GALNT17: variants seen among roughly 807,000 people sequenced by gnomAD.
GALNT17 encodes the protein polypeptide N-acetylgalactosaminyltransferase 17.
A neutral mutation model predicts 63.7 loss-of-function variants in GALNT17; 29 were observed. That is an observed-to-expected ratio of 0.46 (90% CI 0.34 to 0.62). The LOEUF (loss-of-function observed/expected upper bound fraction) is 0.62, where lower values mean the gene tolerates loss of function less well. Among genes scored for constraint, GALNT17 ranks in the 20% least tolerant of loss-of-function variants. GALNT17 has a pLI of 0.01. For missense variants in GALNT17, 603 were observed against 799.6 expected (o/e 0.75, Z 2.97); for synonymous variants, 305 against 318.3 (o/e 0.96, Z 0.45).
At chr7:71,321,740 T>C (rs13227502) in intron 1 of GALNT17, among the ~76,000 whole-genome samples, 151,400 of 151,758 alleles carry the variant, frequency 1, 75,524 homozygotes, top group Middle Eastern at 1. Context: ...CTATATTGGC[T>C]AGGCTGGTCT....
intron 9 of GALNT17, among the ~76,000 whole-genome samples, chr7:71,698,280 G>A (rs1394664734): frequency 6.6e-6 from 1 of 152,154 alleles, no homozygotes; most frequent in Non-Finnish European, 1.5e-5. Flanking sequence ...TCTAAAGAAT[G>A]TACTGTAGGA....
At chr7:71,706,264 C>T (rs1333923518) in intron 9 of GALNT17, among the ~76,000 whole-genome samples, 1 of 152,166 alleles carries the variant, frequency 6.6e-6, no homozygotes, top group African/African-American at 2.4e-5. Flanking sequence ...TCACCTGCCC[C>T]AGCCTACCCT....
At chr7:71,307,606 C>T (rs1274315765) in intron 1 of GALNT17, 1 of 152,166 alleles carries the variant, frequency 6.6e-6, no homozygotes, top group Non-Finnish European at 1.5e-5. Context: ...ATAGCCCCAC[C>T]TCTAGGAAGT....
At chr7:71,665,390 A>G in intron 6 of GALNT17, 21 bp from the exon 7 acceptor site, 2 of 1,582,752 alleles carry the variant, frequency 1.3e-6, no homozygotes, top group Non-Finnish European at 1.7e-6. Context: ...TTTCAGGCTG[A>G]TGAAATCTTT....
chr7:71,498,100 G>A (rs7791581), intron 5 of GALNT17, among the ~76,000 whole-genome samples: 8,020 of 152,266 alleles, frequency 0.053, 486 homozygotes, highest in African/African-American at 0.14. Flanking sequence ...CCTGAAGGCG[G>A]GAAGATGGGT....
chr7:71,159,949 T>C (rs1277942620), intron 1 of GALNT17, among the ~76,000 whole-genome samples: 5 of 151,968 alleles, frequency 3.3e-5, no homozygotes. Context: ...TCAGATCTAA[T>C]TTTTAAAATA....
At chr7:71,517,716 G>A (rs770765481) in intron 5 of GALNT17, among the ~76,000 whole-genome samples, 7 of 152,190 alleles carry the variant, frequency 4.6e-5, no homozygotes, top group Non-Finnish European at 8.8e-5. Context: ...GCCAGGGGCT[G>A]TTCTAGGTTT....
At chr7:71,401,080 CTTTTCT>C (rs1189549488) in intron 3 of GALNT17, among the ~76,000 whole-genome samples, 3 of 149,426 alleles carry the variant, frequency 2.0e-5, no homozygotes, top group East Asian at 3.9e-4. Context: ...CCTCAATACT[CTTTTCT>C]TTTTCTTTTT....
intron 1 of GALNT17, among the ~76,000 whole-genome samples, chr7:71,203,760 A>G (rs1214598930): frequency 6.6e-6 from 1 of 152,166 alleles, no homozygotes; most frequent in Non-Finnish European, 1.5e-5. Flanking sequence ...GTCACATGGC[A>G]GAAGGAGGAG....
At chr7:71,174,917 G>A (rs1253224013) in intron 1 of GALNT17, among the ~76,000 whole-genome samples, 1 of 152,176 alleles carries the variant, frequency 6.6e-6, no homozygotes, top group Non-Finnish European at 1.5e-5. Context: ...TCTTTGGGGA[G>A]CGATGGAAGG....
intron 5 of GALNT17, among the ~76,000 whole-genome samples, chr7:71,438,463 G>T (rs1239831497): frequency 6.6e-6 from 1 of 152,106 alleles, no homozygotes; most frequent in Non-Finnish European, 1.5e-5. Flanking sequence ...CAACACCTTG[G>T]CAGACACACC....
chr7:71,469,813 A>T (rs749294292), intron 5 of GALNT17, among the ~76,000 whole-genome samples: 7 of 152,244 alleles, frequency 4.6e-5, no homozygotes, highest in Non-Finnish European at 1.0e-4. Context: ...TTGAAGACTG[A>T]CATCAGGGAC....
intron 1 of GALNT17, among the ~76,000 whole-genome samples, chr7:71,253,917 A>C (rs1790245278): frequency 6.6e-6 from 1 of 152,088 alleles, no homozygotes; most frequent in Non-Finnish European, 1.5e-5. Context: ...CAAATTCTGT[A>C]AGATATTTGA....
At chr7:71,225,628 C>T (rs932346540) in intron 1 of GALNT17, among the ~76,000 whole-genome samples, 13 of 152,118 alleles carry the variant, frequency 8.5e-5, no homozygotes, top group Non-Finnish European at 1.2e-4. Flanking sequence ...CAGTGGATGA[C>T]GTAACTTGTC....
chr7:71,612,808 A>G (rs1790144638), intron 6 of GALNT17, among the ~76,000 whole-genome samples: 1 of 152,220 alleles, frequency 6.6e-6, no homozygotes, highest in Admixed American at 6.5e-5. Context: ...ATTCTCACAC[A>G]TGCAGACATA....
At chr7:71,488,153 G>A (rs1787943093) in intron 5 of GALNT17, among the ~76,000 whole-genome samples, 1 of 143,308 alleles carries the variant, frequency 7.0e-6, no homozygotes. Context: ...GGGCAACAGA[G>A]CAAGACCCTA....
intron 1 of GALNT17, among the ~76,000 whole-genome samples, chr7:71,142,012 C>CTGTG (rs201770661): frequency 0.32 from 39,486 of 124,464 alleles, 6,369 homozygotes; most frequent in East Asian, 0.56. Flanking sequence ...CCACATTTGG[C>CTGTG]TGTGTGTGTG....
chr7:71,545,739 TGTATTTG>T (rs1554306743), intron 5 of GALNT17, among the ~76,000 whole-genome samples: 11 of 152,216 alleles, frequency 7.2e-5, no homozygotes, highest in South Asian at 2.1e-4. Context: ...CTAATCTTAC[TGTATTTG>T]CTGAGTCTTA....
chr7:71,497,172 A>G (rs1293873228), intron 5 of GALNT17, among the ~76,000 whole-genome samples: 1 of 152,218 alleles, frequency 6.6e-6, no homozygotes, highest in Non-Finnish European at 1.5e-5. Flanking sequence ...ACTGGGAGCC[A>G]GGACTGGATA....
Sources: gnomAD v4.1 joint callset for allele counts (sites outside exome capture counted in the v4.1 genomes callset) on GRCh38, gnomAD v4.1.1 for gene constraint, MANE v1.5 for transcripts, NCBI Gene and HGNC (gene_info 2026-07-23, HGNC 2026-07-21) for gene names.